MEF2C: variants seen among roughly 807,000 people sequenced by gnomAD.
MEF2C encodes myocyte enhancer factor 2C, also known as myocyte-specific enhancer factor 2C.
In MEF2C, 6 loss-of-function variants were observed where a neutral mutation model predicts 50.5. The observed-to-expected ratio is 0.12, with a 90% CI of 0.07 to 0.23. The LOEUF is 0.23. Ranked by LOEUF, MEF2C falls within the 10% of genes least tolerant of loss-of-function variation. The pLI is 1.00. For synonymous variants in MEF2C, 183 were observed against 228.0 expected, an observed-to-expected ratio of 0.80 and a Z score of 1.78; for missense variants, 276 against 605.0, an observed-to-expected ratio of 0.46 and a Z score of 5.70.
intron 6 of MEF2C, chr5:88,733,883 A>C: frequency 6.1e-6 from 6 of 985,412 alleles, no homozygotes; most frequent in Non-Finnish European, 6.0e-6. Context: ...ATTCCCTTCT[A>C]TAAGAAAACT....
chr5:88,738,416 C>A (rs146001484), intron 6 of MEF2C: 18 of 969,188 alleles, frequency 1.9e-5, no homozygotes, highest in Non-Finnish European at 2.2e-5. Flanking sequence ...ATATAAAGCA[C>A]TTTTAATCTT....
intron 3 of MEF2C, among the ~76,000 whole-genome samples, chr5:88,796,301 C>G (rs764407692): frequency 7.2e-5 from 11 of 152,126 alleles, no homozygotes; most frequent in Non-Finnish European, 1.6e-4. Flanking sequence ...CTATTAATTA[C>G]TGCCTCAATT....
chr5:88,884,799 CAAAAAAA>C (rs34331976), upstream of MEF2C, among the ~76,000 whole-genome samples: 2 of 109,278 alleles, frequency 1.8e-5, no homozygotes, highest in Non-Finnish European at 4.0e-5. Flanking sequence ...CTTTTCCTTA[CAAAAAAA>C]AAAAAAAAAG....
chr5:88,870,418 C>T (rs1829148021), intron 1 of MEF2C, among the ~76,000 whole-genome samples: 1 of 152,046 alleles, frequency 6.6e-6, no homozygotes, highest in Non-Finnish European at 1.5e-5. Context: ...TGTTCTGACA[C>T]ATTCTTTTCA....
chr5:88,883,355 G>A (rs1833570261), upstream of MEF2C: 3 of 153,272 alleles, frequency 2.0e-5, no homozygotes, highest in Non-Finnish European at 4.4e-5. Flanking sequence ...GGAGGAGGAG[G>A]AGGAGAAAGT....
chr5:88,869,311 ATATACACATATAGCTTCATTTG>A, intron 1 of MEF2C, among the ~76,000 whole-genome samples: 1 of 119,594 alleles, frequency 8.4e-6, no homozygotes, highest in Non-Finnish European at 1.7e-5. Context: ...ATATATATAT[ATATACACATATAGCTTCATTTG>A]TACAAATTGT....
intron 3 of MEF2C, among the ~76,000 whole-genome samples, chr5:88,787,912 A>G (rs1009349657): frequency 6.6e-6 from 1 of 152,292 alleles, no homozygotes; most frequent in East Asian, 1.9e-4. Context: ...TTCCAGCTTC[A>G]GTGATCCCTC....
chr5:88,797,681 G>A (rs1205455183), intron 3 of MEF2C, among the ~76,000 whole-genome samples: 1 of 151,910 alleles, frequency 6.6e-6, no homozygotes, highest in Non-Finnish European at 1.5e-5. Flanking sequence ...AGTTGATCCT[G>A]TCATTATCAT....
At position 88,729,572 on chromosome 5, in the gene MEF2C, T is replaced by A. The variant is rs555755207; in HGVS notation, c.835-225A>T. On this transcript the variant is annotated intron_variant, in intron 8 of 10. Coordinates refer to ENST00000504921, the MANE Select transcript of MEF2C (RefSeq NM_002397.5). ...ATTACATCAGTATCTCCTAGGCAACTGAACTAGTAACAAGTACCATAGCTT... is the reference window on the plus strand; with the variant it reads ...ATTACATCAGTATCTCCTAGGCAACAGAACTAGTAACAAGTACCATAGCTT... 9.9e-6 allele frequency: 5 copies of A among 502,598 alleles called. No individual in the cohort carries two copies. The East Asian group carries it at 1.9e-4, about 19-fold the overall frequency. 31.1% of individuals were successfully genotyped at this position (502,598 alleles called of 1,614,324 possible).
chr5:88,875,056 G>T (rs529457717), intron 1 of MEF2C, among the ~76,000 whole-genome samples: 1 of 151,886 alleles, frequency 6.6e-6, no homozygotes, highest in Non-Finnish European at 1.5e-5. Context: ...AATCACATGG[G>T]TAACAGTTGA....
intron 3 of MEF2C, among the ~76,000 whole-genome samples, chr5:88,762,262 A>G (rs1326096975): frequency 6.6e-6 from 1 of 152,204 alleles, no homozygotes; most frequent in East Asian, 1.9e-4. Flanking sequence ...AGTATAAGTT[A>G]GGAGTCTTGA....
intron 1 of MEF2C, among the ~76,000 whole-genome samples, chr5:88,850,183 G>T (rs566045841): frequency 2.0e-5 from 3 of 151,892 alleles, no homozygotes; most frequent in Admixed American, 1.3e-4. Context: ...AGAACATGCA[G>T]TGTTTGGTTT....
chr5:88,844,133 T>C (rs146271139), intron 1 of MEF2C, among the ~76,000 whole-genome samples: 9 of 152,294 alleles, frequency 5.9e-5, no homozygotes, highest in Non-Finnish European at 1.2e-4. Context: ...ATCATCCTAG[T>C]AAAAGTGGTA....
chr5:88,719,989 T>C lies in MEF2C; in HGVS notation c.*2615A>G, dbSNP rs760374628. On this transcript the variant is annotated 3_prime_UTR_variant, in exon 11 of 11. Transcript: ENST00000504921. ...ACTTTTTCTTTGTTGCTGAGGCAAA[T>C]TGCAGGTTAAAAAACTAATATGGCT... The C allele has an allele frequency of 1.3e-5, 2 of 152,192 alleles. No homozygotes were observed. The highest frequency in any genetic ancestry group is 2.9e-5 in the Non-Finnish European group (2 of 68,018). The allele number at this position is 152,192 out of a possible 1,614,324, so 9.4% of individuals were successfully genotyped here. A position where few individuals can be genotyped will look rare whatever the true frequency, so the allele number is the denominator to read the frequency against.
At position 88,857,722 on chromosome 5, in the gene MEF2C, G is replaced by A. The variant is rs547096668; in HGVS notation, c.-143+25233C>T. Among the ~76,000 whole-genome samples the A allele has an allele frequency of 2.0e-5, 3 of 152,294 alleles. 1 individual carries two copies. The South Asian group carries it at 6.2e-4, about 32-fold the overall frequency. On this transcript the variant is annotated intron_variant, in intron 1 of 10. Coordinates refer to ENST00000504921, the MANE Select transcript of MEF2C (RefSeq NM_002397.5). ...TCGCTCAAAACTTATTCCCTCTCCTGCCACCCTGTGAAGGGGTGCCTTCTG... is the reference window on the plus strand; with the variant it reads ...TCGCTCAAAACTTATTCCCTCTCCTACCACCCTGTGAAGGGGTGCCTTCTG...
rs528985707 is a variant in MEF2C at position 88,832,188 on chromosome 5, T to C, written c.-142-8258A>G. Among the ~76,000 whole-genome samples, 59 of 152,218 alleles carry C rather than the reference T, an allele frequency of 3.9e-4. 1 individual carries two copies. In the South Asian group the frequency reaches 0.012, roughly 31 times the overall value. ...TAGCGAAAAAGAATCTTTACATTTA[T>C]TTACTCATCCTGAAATGGACCCACA... On this transcript the variant is annotated intron_variant, in intron 1 of 10. Coordinates refer to ENST00000504921, the MANE Select transcript of MEF2C (RefSeq NM_002397.5).
chr5:88,799,521 G>A (rs769488625), intron 3 of MEF2C, among the ~76,000 whole-genome samples: 1 of 152,068 alleles, frequency 6.6e-6, no homozygotes, highest in South Asian at 2.1e-4. Flanking sequence ...GTCCAATTTC[G>A]CTATTTGCTG....
chr5:88,780,509 G>C (rs1787421598), intron 3 of MEF2C, among the ~76,000 whole-genome samples: 1 of 152,146 alleles, frequency 6.6e-6, no homozygotes, highest in Non-Finnish European at 1.5e-5. Flanking sequence ...TATGTGATTA[G>C]AATATTTAAA....
chr5:88,861,354 C>T (rs575473629), intron 1 of MEF2C, among the ~76,000 whole-genome samples: 7 of 152,346 alleles, frequency 4.6e-5, no homozygotes, highest in African/African-American at 1.7e-4. Flanking sequence ...GTTAAAAACT[C>T]TCCAGGAGAT....
Sources: allele counts gnomAD v4.1 joint callset (sites outside exome capture counted in the v4.1 genomes callset), GRCh38; gene constraint gnomAD v4.1.1; transcripts MANE v1.5; gene names NCBI Gene and HGNC (gene_info 2026-07-23, HGNC 2026-07-21).